The following CLIC2 variants were observed in gnomAD, a reference collection of about 807,000 sequenced individuals.
The protein encoded by CLIC2 is CLIC family member 2, also known as chloride intracellular channel protein 2.
CLIC2 carries 9 observed loss-of-function variants against 14.8 expected under a neutral mutation model. The observed-to-expected ratio is 0.61, with a 90% CI of 0.37 to 1.06. CLIC2 has a LOEUF of 1.06. CLIC2 is among the 50% of genes least tolerant of loss of function. CLIC2 has a pLI of 0.01. For synonymous variants in CLIC2, 61 were observed against 66.3 expected, an observed-to-expected ratio of 0.92 and a Z score of 0.39; for missense variants, 148 against 181.4, an observed-to-expected ratio of 0.82 and a Z score of 1.06.
At chrX:155,283,485 T>A (rs2074927348) in intron 3 of CLIC2, among the ~76,000 whole-genome samples, 1 of 111,840 alleles carries the variant, frequency 8.9e-6, no homozygotes, top group Admixed American at 9.5e-5. Context: ...AACATGCAGG[T>A]TTGTCACATA....
At chrX:155,322,527 C>T (rs781899967) in intron 1 of CLIC2, among the ~76,000 whole-genome samples, 28 of 111,716 alleles carry the variant, frequency 2.5e-4, no homozygotes, top group African/African-American at 4.9e-4. Context: ...CACAATGTAC[C>T]GGAATCTCTG....
At chrX:155,327,966 A>G (rs929092610) in intron 1 of CLIC2, among the ~76,000 whole-genome samples, 2 of 111,233 alleles carry the variant, frequency 1.8e-5, no homozygotes, top group Non-Finnish European at 3.8e-5. Context: ...ACATCCCTTT[A>G]TGACAAAAAA....
chrX:155,292,848 GA>G, intron 3 of CLIC2: 4 of 1,008,865 alleles, frequency 4.0e-6, no homozygotes, highest in Non-Finnish European at 5.6e-6. Flanking sequence ...GGAACGCATG[GA>G]AGAAAGAAGA....
intron 3 of CLIC2, among the ~76,000 whole-genome samples, chrX:155,295,870 T>C (rs1239481495): frequency 4.5e-5 from 5 of 111,416 alleles, no homozygotes; most frequent in African/African-American, 1.3e-4. Context: ...TTGAAAATGA[T>C]AAAAATATAT....
At chrX:155,334,305 G>T in intron 1 of CLIC2, 66 bp downstream of exon 1, 1 of 866,196 alleles carries the variant, frequency 1.2e-6, no homozygotes, top group Non-Finnish European at 1.7e-6. Flanking sequence ...AATTTTTAAA[G>T]ACATTGGACT....
chrX:155,302,412 A>G (rs1557319260), intron 1 of CLIC2, among the ~76,000 whole-genome samples: 1 of 110,015 alleles, frequency 9.1e-6, no homozygotes, highest in African/African-American at 3.3e-5. Context: ...ATTTCTGTGG[A>G]ATCAGTGGTG....
intron 3 of CLIC2, among the ~76,000 whole-genome samples, chrX:155,289,152 A>C (rs1203306689): frequency 9.0e-6 from 1 of 111,270 alleles, no homozygotes; most frequent in Admixed American, 9.6e-5. Context: ...CTCAAAAAAA[A>C]AAAAAATGAG....
intron 1 of CLIC2, among the ~76,000 whole-genome samples, chrX:155,300,199 T>C (rs1347921493): frequency 9.1e-6 from 1 of 110,085 alleles, no homozygotes; most frequent in Non-Finnish European, 1.9e-5. Context: ...ACCAACAGTG[T>C]AAAAGTGTTC....
chrX:155,277,875 T>G lies in CLIC2; in HGVS notation c.*28A>C, dbSNP rs782211457. The G allele has an allele frequency of 8.5e-7, 1 of 1,174,402 alleles. No homozygotes were observed. Among genetic ancestry groups the G allele is most frequent in the East Asian group, 3.0e-5 (1 of 33,692 alleles). Reference sequence around the variant, plus strand: ...TCAATAAGTAAAATCTGATCACAAATATAGCCTTGTCTCCTGTAAGAGCTC... The same window carrying G: ...TCAATAAGTAAAATCTGATCACAAAGATAGCCTTGTCTCCTGTAAGAGCTC... On this transcript the variant is annotated 3_prime_UTR_variant, in exon 6 of 6. Transcript: ENST00000369449.
intron 1 of CLIC2, among the ~76,000 whole-genome samples, chrX:155,331,568 CTT>C (rs1569561412): frequency 9.0e-6 from 1 of 111,422 alleles, no homozygotes; most frequent in Non-Finnish European, 1.9e-5. Flanking sequence ...GCTTTATACA[CTT>C]GTTTTATTTA....
At chrX:155,278,238 A>C (rs1171606431) in intron 5 of CLIC2, among the ~76,000 whole-genome samples, 174 bp from the exon 6 acceptor site, 1 of 112,137 alleles carries the variant, frequency 8.9e-6, no homozygotes, top group Non-Finnish European at 1.9e-5. Flanking sequence ...TTGTCTACAA[A>C]TGTTGACAAA....
At position 155,277,251 on chromosome X, in the gene CLIC2, TA is replaced by T. The variant is rs1175776033; in HGVS notation, c.*651del. On this transcript the variant is annotated 3_prime_UTR_variant, in exon 6 of 6. Transcript: ENST00000369449. ...TGTTTCTTATATTGTTTTTTAAAAT[TA>T]TGTTTTATTTAATGAGTGCTTCTTC... 1 of 111,788 alleles carries T rather than the reference TA, an allele frequency of 8.9e-6. No individual in the cohort carries two copies. The highest frequency in any genetic ancestry group is 3.2e-5 in the African/African-American group (1 of 30,802). The allele number at this position is 111,788 out of a possible 1,213,427, so 9.2% of individuals were successfully genotyped here. A position where few individuals can be genotyped will look rare whatever the true frequency, so the allele number is the denominator to read the frequency against.
Position 155,288,671 on chromosome X carries a change from C to T in CLIC2, c.294-8603G>A, listed in dbSNP as rs782622505. 1.3e-4 allele frequency among the ~76,000 whole-genome samples: 15 copies of T among 111,224 alleles called. No homozygotes were observed. In the South Asian group the frequency reaches 5.7e-3, roughly 42 times the overall value. On this transcript the variant is annotated intron_variant, in intron 3 of 5. Coordinates refer to ENST00000369449, the MANE Select transcript of CLIC2 (RefSeq NM_001289.6). The stretch of plus-strand genomic sequence containing the variant: ...TAATAAACAAGTGCAACATTATTGT[C>T]AATTATTTTGCATGTTTAAATACTA...
chrX:155,302,341 G>A (rs376018135), intron 1 of CLIC2, among the ~76,000 whole-genome samples: 2 of 108,074 alleles, frequency 1.9e-5, no homozygotes, highest in Non-Finnish European at 3.9e-5. Flanking sequence ...TATCCATTTC[G>A]TCTAGATTTT....
rs6642217 is a variant in CLIC2 at position 155,281,257 on chromosome X, A to G, written c.294-1189T>C. On this transcript the variant is annotated intron_variant, in intron 3 of 5. Coordinates refer to ENST00000369449, the MANE Select transcript of CLIC2 (RefSeq NM_001289.6). ...TGTAGGTCGAAGGGTACAAAGTTGC[A>G]GTTATGTAGAATGAGTAAGTCTAGA... Among the ~76,000 whole-genome samples, 29 of 109,281 alleles carry G rather than the reference A, an allele frequency of 2.7e-4. No homozygotes were observed. In the East Asian group the frequency reaches 6.9e-3, roughly 26 times the overall value. 94.9% of individuals were successfully genotyped at this position (109,281 alleles called of 115,157 possible).
Position 155,331,401 on chromosome X carries a change from A to C in CLIC2, c.57+2970T>G, listed in dbSNP as rs890344199. Among the ~76,000 whole-genome samples, 6 of 111,476 alleles carry C rather than the reference A, an allele frequency of 5.4e-5. No individual in the cohort carries two copies. In the East Asian group the frequency reaches 1.1e-3, roughly 21 times the overall value. ...CGCTAGCCTGATTGATGAATTACTG[A>C]TCTCTTAATTATCTTCAGCTGGCAA... On this transcript the variant is annotated intron_variant, in intron 1 of 5. Transcript: ENST00000369449.
At chrX:155,331,753 C>G (rs1458039192) in intron 1 of CLIC2, among the ~76,000 whole-genome samples, 3 of 110,750 alleles carry the variant, frequency 2.7e-5, no homozygotes, top group African/African-American at 9.8e-5. Flanking sequence ...ACTATATCCT[C>G]CAGACACCAT....
chrX:155,293,565 A>T (rs1423343553), intron 3 of CLIC2: 5 of 438,958 alleles, frequency 1.1e-5, no homozygotes, highest in Non-Finnish European at 2.0e-5. Context: ...GACAGAAATA[A>T]GTCTTCACAT....
At chrX:155,321,821 A>G (rs112650986) in intron 1 of CLIC2, among the ~76,000 whole-genome samples, 95 of 111,375 alleles carry the variant, frequency 8.5e-4, no homozygotes, top group African/African-American at 2.8e-3. Flanking sequence ...GACCCATCTC[A>G]TGTGCAAAGA....
Sources: gnomAD v4.1 joint callset for allele counts (sites outside exome capture counted in the v4.1 genomes callset) on GRCh38, gnomAD v4.1.1 for gene constraint, MANE v1.5 for transcripts, NCBI Gene and HGNC (gene_info 2026-07-23, HGNC 2026-07-21) for gene names.